Variants in AIDA observed in about 807,000 individuals in gnomAD.
The protein encoded by AIDA is axin interactor, dorsalization associated, also known as axin interactor, dorsalization-associated protein.
A neutral mutation model predicts 42.7 loss-of-function variants in AIDA; 18 were observed. The observed-to-expected ratio is 0.42, with a 90% CI of 0.29 to 0.63. AIDA has a LOEUF of 0.63. Among genes scored for constraint, AIDA ranks in the 20% least tolerant of loss-of-function variants. The pLI, the probability that AIDA is intolerant of heterozygous loss-of-function variation, is 0.19. For synonymous variants in AIDA, 104 were observed against 122.9 expected (o/e 0.85, Z 1.02); for missense variants, 250 against 354.1 (o/e 0.71, Z 2.36).
chr1:222,690,431 G>A (rs1163711701), intron 4 of AIDA, among the ~76,000 whole-genome samples: 2 of 152,134 alleles, frequency 1.3e-5, no homozygotes, highest in South Asian at 2.1e-4. Flanking sequence ...GGCCTTATGG[G>A]TGCCCAGTAA....
chr1:222,696,691 C>G (rs901337275), intron 2 of AIDA, among the ~76,000 whole-genome samples: 1 of 152,120 alleles, frequency 6.6e-6, no homozygotes, highest in African/African-American at 2.4e-5. Context: ...ATATCAATAC[C>G]ATTTAGCTAT....
intron 1 of AIDA, among the ~76,000 whole-genome samples, chr1:222,707,078 TA>T (rs1309488164): frequency 1.3e-5 from 2 of 152,068 alleles, no homozygotes; most frequent in Non-Finnish European, 2.9e-5. Flanking sequence ...TAAATTTCAC[TA>T]AAAAATCATT....
chr1:222,704,641 CAGG>C (rs1259753307), intron 1 of AIDA, among the ~76,000 whole-genome samples: 13 of 151,640 alleles, frequency 8.6e-5, no homozygotes, highest in African/African-American at 1.5e-4. Context: ...TAGTGGTTGC[CAGG>C]AGATGAGGGA....
rs137868179 is a variant in AIDA at position 222,680,763 on chromosome 1, T to A, written c.461-4545A>T. On this transcript the variant is annotated intron_variant, in intron 6 of 9. Coordinates refer to ENST00000340020, the MANE Select transcript of AIDA (RefSeq NM_022831.4). Reference sequence around the variant, plus strand: ...ATCCTAATGGCCATTTAAAATAGAGTAAAGCTTTTTTTTTTTCTAAAGTAA... The same window carrying A: ...ATCCTAATGGCCATTTAAAATAGAGAAAAGCTTTTTTTTTTTCTAAAGTAA... Among the ~76,000 whole-genome samples the A allele has an allele frequency of 1.1e-4, 16 of 151,236 alleles. No individual in the cohort carries two copies. The East Asian group carries it at 3.1e-3, about 29-fold the overall frequency.
chr1:222,703,452 G>T (rs1655763283), intron 1 of AIDA, among the ~76,000 whole-genome samples: 2 of 151,978 alleles, frequency 1.3e-5, no homozygotes, highest in Admixed American at 6.6e-5. Flanking sequence ...TCAGCTCTAG[G>T]CAGTAAAAAC....
chr1:222,700,724 C>T (rs1482276617), intron 2 of AIDA, among the ~76,000 whole-genome samples: 2 of 148,934 alleles, frequency 1.3e-5, no homozygotes, highest in Admixed American at 6.7e-5. Flanking sequence ...CACTGCACTC[C>T]GGCCTGGGTG....
rs1006692016 is a variant in AIDA, at chr1:222,694,156, A to C, written c.234+54T>G. Reference sequence around the variant, plus strand: ...ACATAAATGTCTAATGTTTTATCACAATAATGCAGAATAATTTATTTTCCT... The same window carrying C: ...ACATAAATGTCTAATGTTTTATCACCATAATGCAGAATAATTTATTTTCCT... On this transcript the variant is annotated intron_variant, in intron 3 of 9. Coordinates refer to ENST00000340020, the MANE Select transcript of AIDA (RefSeq NM_022831.4). 6 of 1,480,808 alleles carry C rather than the reference A, an allele frequency of 4.1e-6. No homozygotes were observed. The Admixed American group carries it at 5.8e-5, about 14-fold the overall frequency. The allele number at this position is 1,480,808 out of a possible 1,614,324, so 91.7% of individuals were successfully genotyped here.
chr1:222,684,447 C>G (rs2124954855), intron 6 of AIDA, among the ~76,000 whole-genome samples: 1 of 152,186 alleles, frequency 6.6e-6, no homozygotes, highest in Non-Finnish European at 1.5e-5. Flanking sequence ...CCTAGTAAAA[C>G]TGATTTTAAA....
chr1:222,710,660 A>G (rs1655977829), intron 1 of AIDA, among the ~76,000 whole-genome samples: 1 of 152,194 alleles, frequency 6.6e-6, no homozygotes, highest in African/African-American at 2.4e-5. Flanking sequence ...TGTCTAATTC[A>G]CTTACAGAAT....
intron 4 of AIDA, among the ~76,000 whole-genome samples, chr1:222,691,028 A>G (rs920063609): frequency 3.3e-5 from 5 of 152,232 alleles, no homozygotes; most frequent in African/African-American, 1.2e-4. Context: ...TTAGTGTTAT[A>G]AAGGACACAA....
chr1:222,712,442 C>A lies in AIDA; in HGVS notation c.-125G>T. The A allele has an allele frequency of 7.0e-7, 1 of 1,437,768 alleles. No individual in the cohort carries two copies. The highest frequency in any genetic ancestry group is 2.6e-5 in the East Asian group (1 of 39,022). The allele number at this position is 1,437,768 out of a possible 1,614,324, so 89.1% of individuals were successfully genotyped here. A position where few individuals can be genotyped will look rare whatever the true frequency, so the allele number is the denominator to read the frequency against. ...GAGGAACCGCTACGGCCACCACCGC[C>A]ACCCGCCGAGGAGCCGCCCAAGCCC... is the stretch of plus-strand genomic sequence containing the variant. On this transcript the variant is annotated 5_prime_UTR_variant, in exon 1 of 10. Transcript: ENST00000340020.
intron 4 of AIDA, among the ~76,000 whole-genome samples, chr1:222,688,812 T>C (rs2124958023): frequency 6.6e-6 from 1 of 152,228 alleles, no homozygotes; most frequent in African/African-American, 2.4e-5. Context: ...TTGGCCAGGC[T>C]GGTCTCGAAC....
intron 2 of AIDA, among the ~76,000 whole-genome samples, chr1:222,699,026 C>T (rs1023088548): frequency 1.3e-5 from 2 of 152,078 alleles, no homozygotes; most frequent in Admixed American, 6.6e-5. Flanking sequence ...GGGGTTTCAC[C>T]GTGTTAGCCA....
chr1:222,685,252 G>C (rs544162266), intron 6 of AIDA, among the ~76,000 whole-genome samples: 40 of 152,264 alleles, frequency 2.6e-4, no homozygotes, highest in African/African-American at 9.6e-4. Context: ...AATGCTAAAT[G>C]GTTTATACTT....
rs542624671 is a variant in AIDA at position 222,676,344 on chromosome 1, C to T, written c.461-126G>A. 1.9e-4 allele frequency: 207 copies of T among 1,091,142 alleles called. 3 individuals are homozygous for T. The South Asian group carries it at 4.0e-3, about 21-fold the overall frequency. The allele number at this position is 1,091,142 out of a possible 1,614,324, so 67.6% of individuals were successfully genotyped here. The stretch of plus-strand genomic sequence containing the variant: ...ACTAGCCAGGCATTATTTTGGTTCC[C>T]GAAACTCCCAAACGCTTGGCATTAT... On this transcript the variant is annotated intron_variant, in intron 6 of 9. Transcript: ENST00000340020.
intron 4 of AIDA, among the ~76,000 whole-genome samples, chr1:222,691,143 A>G (rs1474368549): frequency 6.6e-6 from 1 of 152,218 alleles, no homozygotes; most frequent in Non-Finnish European, 1.5e-5. Flanking sequence ...CATTTGAGCC[A>G]TGACCTAGGA....
chr1:222,706,751 T>G (rs1655849093), intron 1 of AIDA, among the ~76,000 whole-genome samples: 1 of 148,156 alleles, frequency 6.7e-6, no homozygotes, highest in South Asian at 2.1e-4. Flanking sequence ...GCACCTGTAA[T>G]CCCAGCTACT....
chr1:222,698,215 A>T (rs919918341), intron 2 of AIDA, among the ~76,000 whole-genome samples: 6 of 152,208 alleles, frequency 3.9e-5, no homozygotes, highest in Non-Finnish European at 7.3e-5. Context: ...TGAGAATATT[A>T]AGAATTTAAA....
At chr1:222,683,181 A>G (rs1664683345) in intron 6 of AIDA, among the ~76,000 whole-genome samples, 1 of 152,202 alleles carries the variant, frequency 6.6e-6, no homozygotes, top group Admixed American at 6.5e-5. Context: ...GTTGAATTAA[A>G]ACTATACCTG....
Sources: gnomAD v4.1 joint callset for allele counts (sites outside exome capture counted in the v4.1 genomes callset) on GRCh38, gnomAD v4.1.1 for gene constraint, MANE v1.5 for transcripts, NCBI Gene and HGNC (gene_info 2026-07-23, HGNC 2026-07-21) for gene names.